Variants in ZNF385D observed in about 807,000 individuals in gnomAD.
The protein encoded by ZNF385D is zinc finger protein 385D.
A neutral mutation model predicts 35.8 loss-of-function variants in ZNF385D; 15 were observed. That is an observed-to-expected ratio of 0.42 (90% CI 0.28 to 0.64). The LOEUF (loss-of-function observed/expected upper bound fraction) is 0.64, where lower values mean the gene tolerates loss of function less well. Ranked by LOEUF, ZNF385D falls within the 30% of genes least tolerant of loss-of-function variation. The pLI is 0.23. For synonymous variants in ZNF385D, 212 were observed against 186.8 expected, an observed-to-expected ratio of 1.13 and a Z score of -1.10; for missense variants, 474 against 494.6, an observed-to-expected ratio of 0.96 and a Z score of 0.39.
intron 1 of ZNF385D, among the ~76,000 whole-genome samples, chr3:21,750,403 G>A (rs960589568): frequency 3.9e-5 from 6 of 152,184 alleles, no homozygotes; most frequent in Non-Finnish European, 4.4e-5. Context: ...ATATAGAGAA[G>A]TGTTCTCAGC....
intron 2 of ZNF385D, among the ~76,000 whole-genome samples, chr3:22,253,215 TAGAA>T (rs1197679703): frequency 2.0e-5 from 3 of 151,898 alleles, no homozygotes; most frequent in Admixed American, 1.3e-4. Context: ...GAGGGAGACT[TAGAA>T]AGGGCTGTTC....
intron 4 of ZNF385D, among the ~76,000 whole-genome samples, chr3:21,479,436 T>C (rs1423032219): frequency 6.6e-6 from 1 of 152,164 alleles, no homozygotes; most frequent in African/African-American, 2.4e-5. Flanking sequence ...TCTAAACTTA[T>C]GCATCTGTAA....
At chr3:21,887,077 A>G (rs1698585708) in intron 3 of ZNF385D, among the ~76,000 whole-genome samples, 1 of 152,114 alleles carries the variant, frequency 6.6e-6, no homozygotes, top group African/African-American at 2.4e-5. Flanking sequence ...TTGCCCCATT[A>G]TGCTTCCCAC....
chr3:22,175,142 T>G (rs917337821), intron 2 of ZNF385D, among the ~76,000 whole-genome samples: 1 of 152,054 alleles, frequency 6.6e-6, no homozygotes, highest in African/African-American at 2.4e-5. Context: ...ATGGAGTTTA[T>G]AATTCTTATA....
chr3:21,468,753 G>A (rs116317473), intron 4 of ZNF385D, among the ~76,000 whole-genome samples: 2,001 of 152,014 alleles, frequency 0.013, 39 homozygotes, highest in African/African-American at 0.046. Context: ...GTGAAACTCC[G>A]TTTCTACTTA....
At chr3:22,088,947 C>CT (rs1308633013) in intron 3 of ZNF385D, among the ~76,000 whole-genome samples, 2 of 152,056 alleles carry the variant, frequency 1.3e-5, no homozygotes, top group Admixed American at 6.6e-5. Context: ...TTTAAAATGA[C>CT]TTTTTTTAAA....
intron 3 of ZNF385D, among the ~76,000 whole-genome samples, chr3:21,800,479 T>A (rs1175117726): frequency 6.6e-6 from 1 of 152,150 alleles, no homozygotes; most frequent in African/African-American, 2.4e-5. Flanking sequence ...TAGGTTAATT[T>A]TTTTTCCTAA....
intron 3 of ZNF385D, among the ~76,000 whole-genome samples, chr3:22,077,379 G>C (rs1293030107): frequency 6.6e-6 from 1 of 151,824 alleles, no homozygotes; most frequent in Non-Finnish European, 1.5e-5. Flanking sequence ...AATAAGCCTA[G>C]ACACAAAAGA....
At chr3:21,744,879 G>C (rs2069690499) in intron 1 of ZNF385D, among the ~76,000 whole-genome samples, 1 of 151,966 alleles carries the variant, frequency 6.6e-6, no homozygotes, top group African/African-American at 2.4e-5. Context: ...AATAAAAAAA[G>C]CTAGTGTTTC....
chr3:21,567,666 C>T (rs1312810891), intron 2 of ZNF385D, among the ~76,000 whole-genome samples: 1 of 152,120 alleles, frequency 6.6e-6, no homozygotes, highest in Non-Finnish European at 1.5e-5. Flanking sequence ...GGATGTGTTT[C>T]TATCGGGATA....
intron 2 of ZNF385D, among the ~76,000 whole-genome samples, chr3:22,229,101 C>T (rs1576530589): frequency 6.6e-6 from 1 of 152,112 alleles, no homozygotes; most frequent in South Asian, 2.1e-4. Flanking sequence ...TCATATATAC[C>T]TTTATCCTAT....
intron 3 of ZNF385D, among the ~76,000 whole-genome samples, chr3:22,045,775 C>A (rs1698964497): frequency 6.6e-6 from 1 of 151,896 alleles, no homozygotes; most frequent in African/African-American, 2.4e-5. Context: ...ACCAATGGAG[C>A]CTGGCGACAC....
At chr3:21,949,272 G>T (rs1250462391) in intron 3 of ZNF385D, among the ~76,000 whole-genome samples, 2 of 152,062 alleles carry the variant, frequency 1.3e-5, no homozygotes, top group Non-Finnish European at 2.9e-5. Flanking sequence ...ATATGACATG[G>T]TGTCCTTTTA....
At chr3:22,018,568 A>G (rs1697025442) in intron 3 of ZNF385D, among the ~76,000 whole-genome samples, 1 of 151,920 alleles carries the variant, frequency 6.6e-6, no homozygotes, top group South Asian at 2.1e-4. Flanking sequence ...ATCTTCCATT[A>G]TATGCTCTGC....
rs1352812295 is a variant in ZNF385D, at chr3:21,678,846, G to A, written c.23-13818C>T. On this transcript the variant is annotated intron_variant, in intron 1 of 7. Coordinates refer to ENST00000281523, the MANE Select transcript of ZNF385D (RefSeq NM_024697.3). ...CAAGTGCTAAATATTTGCTTCCCAA[G>A]TTATCAGTGTCATTATGACCTTTGC... is the stretch of plus-strand genomic sequence containing the variant. Among the ~76,000 whole-genome samples, 10 of 152,186 alleles carry A rather than the reference G, an allele frequency of 6.6e-5. No homozygotes were observed. In the East Asian group the frequency reaches 1.7e-3, roughly 26 times the overall value.
At chr3:22,124,677 GATC>G (rs1247971064) in intron 3 of ZNF385D, among the ~76,000 whole-genome samples, 1 of 152,100 alleles carries the variant, frequency 6.6e-6, no homozygotes, top group East Asian at 1.9e-4. Context: ...CAATGATGCT[GATC>G]ATATTTTCAT....
At position 21,575,231 on chromosome 3, in the gene ZNF385D, G is replaced by A. The variant is rs368731736; in HGVS notation, c.166-10547C>T. On this transcript the variant is annotated intron_variant, in intron 2 of 7. Transcript: ENST00000281523. ...ATTTGAGTTGCTACAAAATTTAACA[G>A]GAGTATCAGTCACCCAAGACCAAGA... is the stretch of plus-strand genomic sequence containing the variant. Among the ~76,000 whole-genome samples, 12 of 152,124 alleles carry A rather than the reference G, an allele frequency of 7.9e-5. No individual in the cohort carries two copies. The South Asian group carries it at 2.1e-3, about 26-fold the overall frequency.
intron 2 of ZNF385D, among the ~76,000 whole-genome samples, chr3:22,221,759 G>T (rs935615412): frequency 4.6e-5 from 7 of 152,122 alleles, no homozygotes; most frequent in African/African-American, 1.4e-4. Flanking sequence ...AAAAGCTAGT[G>T]CAAGGATTGA....
chr3:22,223,526 T>C (rs1158291632), intron 2 of ZNF385D, among the ~76,000 whole-genome samples: 1 of 152,140 alleles, frequency 6.6e-6, no homozygotes, highest in Non-Finnish European at 1.5e-5. Context: ...CATCATAGGA[T>C]TGCTGTGAGA....
Sources: gnomAD v4.1 joint callset for allele counts (sites outside exome capture counted in the v4.1 genomes callset) on GRCh38, gnomAD v4.1.1 for gene constraint, MANE v1.5 for transcripts, NCBI Gene and HGNC (gene_info 2026-07-23, HGNC 2026-07-21) for gene names.